GUF1: variants seen among roughly 807,000 people sequenced by gnomAD.
The protein encoded by GUF1 is translation factor GUF1, mitochondrial.
In GUF1, 78 loss-of-function variants were observed where a neutral mutation model predicts 82.4. The observed-to-expected ratio is 0.95, with a 90% CI of 0.79 to 1.14. The LOEUF (loss-of-function observed/expected upper bound fraction) is 1.14, where lower values mean the gene tolerates loss of function less well. Among genes scored for constraint, GUF1 ranks in the 50% most tolerant of loss-of-function variants. The pLI is 0.00. For synonymous variants in GUF1, 279 were observed against 282.3 expected (o/e 0.99, Z 0.12); for missense variants, 814 against 798.2 (o/e 1.02, Z -0.24).
intron 10 of GUF1, 86 bp downstream of exon 10, chr4:44,689,495 TAAAA>T: frequency 7.4e-7 from 1 of 1,354,684 alleles, no homozygotes; most frequent in Admixed American, 2.6e-5. Context: ...GGGAGGTTTT[TAAAA>T]AATATCTTTA....
rs1714751357 is a variant in GUF1 at position 44,681,162 on chromosome 4, T to G, written c.466T>G (p.Ser156Ala). The G allele has an allele frequency of 6.2e-7, 1 of 1,613,196 alleles. No individual in the cohort carries two copies. Among genetic ancestry groups the G allele is most frequent in the South Asian group, 1.1e-5 (1 of 91,062 alleles). Residue 156 changes from serine (S) to alanine (A), a missense_variant, in exon 4 of 17, where the codon TCT (serine) becomes GCT (alanine). Ser to Ala is a moderately conservative substitution (Grantham distance 99). Coordinates refer to ENST00000281543, the MANE Select transcript of GUF1 (RefSeq NM_021927.3). ...DFSYEVSRSL[S>A]ACQGVLLVVD... ...TAGTTATGAAGTATCCAGGTCACTT[T>G]CTGCTTGCCAGGGTGTTTTACTTGT...
Position 44,678,675 on chromosome 4 carries a change from G to A in GUF1, c.53G>A (p.Arg18Gln). The A allele has an allele frequency of 6.7e-7, 1 of 1,497,808 alleles. No homozygotes were observed. The highest frequency in any genetic ancestry group is 2.9e-5 in the Admixed American group (1 of 34,192). The allele number at this position is 1,497,808 out of a possible 1,614,324, so 92.8% of individuals were successfully genotyped here. ...GGGTGCGCACGCGCTCTCGCGCCAC[G>A]AGCCACTGGGGCCGCGCTTCTGGTG... ...GWGCARALAP[R>Q]ATGAALLVAP... Residue 18 changes from arginine to glutamine, a missense_variant, in exon 1 of 17, where the codon CGA (arginine) becomes CAA (glutamine). Transcript: ENST00000281543.
In GUF1 at chr4:44,678,482, C is replaced by A. The variant is rs1294325594; in HGVS notation, c.-141C>A. 1.2e-5 allele frequency: 8 copies of A among 668,908 alleles called. No individual in the cohort carries two copies. The highest frequency in any genetic ancestry group is 1.9e-5 in the African/African-American group (1 of 52,544). 41.4% of individuals were successfully genotyped at this position (668,908 alleles called of 1,614,324 possible). A position where few individuals can be genotyped will look rare whatever the true frequency, so the allele number is the denominator to read the frequency against. ...CCGGATCTGGTACTTGGGCAGAGCT[C>A]CCCGGGGTTCATTGTCTTCGCTTCA... is the stretch of plus-strand genomic sequence containing the variant. On this transcript the variant is annotated 5_prime_UTR_variant, in exon 1 of 17. Coordinates refer to ENST00000281543, the MANE Select transcript of GUF1 (RefSeq NM_021927.3).
intron 4 of GUF1, 98 bp downstream of exon 4, chr4:44,681,301 G>T: frequency 1.2e-6 from 1 of 865,342 alleles, no homozygotes. Flanking sequence ...GAATTTTTGT[G>T]TTTGAAAAAT....
intron 10 of GUF1, 86 bp downstream of exon 10, chr4:44,689,495 T>C: frequency 7.4e-7 from 1 of 1,354,684 alleles, no homozygotes; most frequent in Non-Finnish European, 9.8e-7. Flanking sequence ...GGGAGGTTTT[T>C]AAAAAATATC....
intron 1 of GUF1, 84 bp downstream of exon 1, chr4:44,678,871 T>TG: frequency 1.8e-5 from 24 of 1,350,200 alleles, no homozygotes; most frequent in Non-Finnish European, 2.4e-5. Context: ...TAGGGCTTTC[T>TG]GGGACTAGCT....
chr4:44,683,038 TACTTA>T (rs538530633), intron 5 of GUF1, among the ~76,000 whole-genome samples, 192 bp from the exon 6 acceptor site: 172 of 152,178 alleles, frequency 1.1e-3, no homozygotes, highest in African/African-American at 3.8e-3. Context: ...CAAGCTCTGC[TACTTA>T]ACTTCTCTTT....
Position 44,694,186 on chromosome 4 carries a change from T to C in GUF1, c.1614-226T>C, listed in dbSNP as rs1006402856. On this transcript the variant is annotated intron_variant, in intron 13 of 16. Transcript: ENST00000281543. Reference sequence around the variant, plus strand: ...TCAGGTTCACCAGCTTATTTTCCTTTCCCCTATAAACATATTCCCCTTGCT... The same window carrying C: ...TCAGGTTCACCAGCTTATTTTCCTTCCCCCTATAAACATATTCCCCTTGCT... The C allele has an allele frequency of 1.6e-5, 7 of 429,912 alleles. No individual in the cohort carries two copies. The South Asian group carries it at 1.7e-4, about 10-fold the overall frequency. 26.6% of individuals were successfully genotyped at this position (429,912 alleles called of 1,614,324 possible).
At position 44,687,012 on chromosome 4, in the gene GUF1, T is replaced by C. The variant is rs1715098709; in HGVS notation, c.938+299T>C. 2.0e-5 allele frequency among the ~76,000 whole-genome samples: 3 copies of C among 152,100 alleles called. No homozygotes were observed. The South Asian group carries it at 6.2e-4, about 32-fold the overall frequency. On this transcript the variant is annotated intron_variant, in intron 8 of 16. Coordinates refer to ENST00000281543, the MANE Select transcript of GUF1 (RefSeq NM_021927.3). ...AAAGAGTTAGTTCCCTCCACCCATA[T>C]CCATATTAGGTATCATTTTTGACAT...
chr4:44,699,793 TA>T lies in GUF1; in HGVS notation c.*1115del, dbSNP rs1716104990. On this transcript the variant is annotated 3_prime_UTR_variant, in exon 17 of 17. Transcript: ENST00000281543. ...AGTTTGAAACTAAATGGTTTACATCTAAATTAAGGGCAGGAGCTGTCTTTCA... is the reference window on the plus strand; with the variant it reads ...AGTTTGAAACTAAATGGTTTACATCTAATTAAGGGCAGGAGCTGTCTTTCA... 1 of 152,244 alleles carries T rather than the reference TA, an allele frequency of 6.6e-6. No homozygotes were observed. Among genetic ancestry groups the T allele is most frequent in the Non-Finnish European group, 1.5e-5 (1 of 68,050 alleles). The allele number at this position is 152,244 out of a possible 1,614,324, so 9.4% of individuals were successfully genotyped here.
At position 44,699,068 on chromosome 4, in the gene GUF1, G is replaced by A. The variant is rs148326596; in HGVS notation, c.*387G>A. The A allele has an allele frequency of 1.9e-3, 303 of 156,362 alleles. No individual in the cohort carries two copies. The highest frequency in any genetic ancestry group is 7.0e-3 in the African/African-American group (290 of 41,686). The allele number at this position is 156,362 out of a possible 1,614,324, so 9.7% of individuals were successfully genotyped here. A position where few individuals can be genotyped will look rare whatever the true frequency, so the allele number is the denominator to read the frequency against. On this transcript the variant is annotated 3_prime_UTR_variant, in exon 17 of 17. Coordinates refer to ENST00000281543, the MANE Select transcript of GUF1 (RefSeq NM_021927.3). ...TACAGTTAAGTCCTTAAATGCCATC[G>A]AAAGGTTCTTAGAAACTGACTTTAA...
Position 44,678,784 on chromosome 4 carries a change from C to A in GUF1, c.162C>A (p.Phe54Leu), listed in dbSNP as rs768606175. ...ATDRLYSSAE[F>L]KEKLDMSRFP... ...ACAGGCTCTACAGCTCCGCAGAATT[C>A]AAGGTGACTGCCCCCTGGAATCTGA... The change falls in exon 1 of 17, where the codon TTC becomes TTA. Residue 54 changes from phenylalanine (F) to leucine (L), a missense_variant. Coordinates refer to ENST00000281543, the MANE Select transcript of GUF1 (RefSeq NM_021927.3). 22 of 1,551,522 alleles carry A rather than the reference C, an allele frequency of 1.4e-5. No homozygotes were observed. Among genetic ancestry groups the A allele is most frequent in the Non-Finnish European group, 1.8e-5 (21 of 1,156,124 alleles).
intron 3 of GUF1, 49 bp downstream of exon 3, chr4:44,680,891 C>A: frequency 6.8e-7 from 1 of 1,465,274 alleles, no homozygotes; most frequent in South Asian, 1.2e-5. Flanking sequence ...AACATTGTGT[C>A]AGTAGTGCAA....
chr4:44,695,856 T>G, intron 15 of GUF1, 122 bp downstream of exon 15: 1 of 935,634 alleles, frequency 1.1e-6, no homozygotes, highest in Non-Finnish European at 1.6e-6. Flanking sequence ...AGAAACAGTA[T>G]GATGGTGCTC....
intron 6 of GUF1, 109 bp from the exon 7 acceptor site, chr4:44,685,850 A>G: frequency 3.1e-6 from 2 of 652,484 alleles, no homozygotes; most frequent in South Asian, 1.8e-5. Context: ...TCTCAAATTG[A>G]TAACTATTGG....
chr4:44,697,372 G>C, intron 15 of GUF1, 36 bp from the exon 16 acceptor site: 1 of 1,422,424 alleles, frequency 7.0e-7, no homozygotes. Context: ...CAGTATAATG[G>C]AATTATGTAC....
At chr4:44,691,015 G>A in intron 12 of GUF1, among the ~76,000 whole-genome samples, 155 bp downstream of exon 12, 1 of 151,548 alleles carries the variant, frequency 6.6e-6, no homozygotes, top group African/African-American at 2.4e-5. Flanking sequence ...ACATAGATAT[G>A]TATACTTTTT....
intron 13 of GUF1, among the ~76,000 whole-genome samples, chr4:44,693,601 C>T (rs1715587169): frequency 6.6e-6 from 1 of 152,006 alleles, no homozygotes; most frequent in Non-Finnish European, 1.5e-5. Flanking sequence ...TCTTTAGAAA[C>T]CAAATATAAT....
intron 10 of GUF1, 108 bp downstream of exon 10, chr4:44,689,517 G>A (rs1715288220): frequency 8.1e-7 from 1 of 1,241,834 alleles, no homozygotes; most frequent in Non-Finnish European, 1.1e-6. Flanking sequence ...TTATAAGTAA[G>A]GGAGGTATAA....
Sources: allele counts gnomAD v4.1 joint callset (sites outside exome capture counted in the v4.1 genomes callset), GRCh38; gene constraint gnomAD v4.1.1; transcripts MANE v1.5; gene names NCBI Gene and HGNC (gene_info 2026-07-23, HGNC 2026-07-21).